ANKRD44: variants seen among roughly 807,000 people sequenced by gnomAD.
ANKRD44 encodes ankyrin repeat domain 44, also known as serine/threonine-protein phosphatase 6 regulatory ankyrin repeat subunit B.
A neutral mutation model predicts 116.0 loss-of-function variants in ANKRD44; 35 were observed. The observed-to-expected ratio is 0.30, with a 90% CI of 0.23 to 0.40. ANKRD44 has a LOEUF of 0.40. Among genes scored for constraint, ANKRD44 ranks in the 10% least tolerant of loss-of-function variants. The pLI, the probability that ANKRD44 is intolerant of heterozygous loss-of-function variation, is 1.00. For missense variants in ANKRD44, 1,014 were observed against 1,242.6 expected (o/e 0.82, Z 2.77); for synonymous variants, 435 against 461.8 (o/e 0.94, Z 0.74).
chr2:197,160,102 T>C (rs1029704362), intron 2 of ANKRD44, among the ~76,000 whole-genome samples: 1 of 152,040 alleles, frequency 6.6e-6, no homozygotes, highest in African/African-American at 2.4e-5. Flanking sequence ...ACTTTCATTA[T>C]AAAAAAACAA....
chr2:197,217,249 A>G (rs1199370221), intron 1 of ANKRD44, among the ~76,000 whole-genome samples: 1 of 152,236 alleles, frequency 6.6e-6, no homozygotes, highest in Non-Finnish European at 1.5e-5. Flanking sequence ...CCAGTAAAGA[A>G]GCAAATAAAT....
chr2:197,001,722 A>G (rs113801524), intron 22 of ANKRD44, 31 bp downstream of exon 22: 1 of 1,508,358 alleles, frequency 6.6e-7, no homozygotes, highest in Non-Finnish European at 9.1e-7. Flanking sequence ...TCATTAAAGC[A>G]ACATCATTAA....
intron 24 of ANKRD44, 51 bp from the exon 25 acceptor site, chr2:196,998,470 G>T: frequency 1.5e-6 from 2 of 1,306,500 alleles, no homozygotes; most frequent in South Asian, 1.2e-5. Context: ...CTAATTACAT[G>T]CATTTTGAAG....
At chr2:197,141,179 T>A (rs1418801015) in intron 3 of ANKRD44, among the ~76,000 whole-genome samples, 1 of 152,216 alleles carries the variant, frequency 6.6e-6, no homozygotes, top group African/African-American at 2.4e-5. Context: ...ATCATGCCAC[T>A]GCCCTCCAGC....
intron 1 of ANKRD44, among the ~76,000 whole-genome samples, chr2:197,189,414 T>C (rs2080767681): frequency 1.3e-5 from 2 of 152,212 alleles, no homozygotes; most frequent in Non-Finnish European, 2.9e-5. Context: ...TTACTGCTAG[T>C]TCAGTCTTAG....
intron 4 of ANKRD44, 74 bp from the exon 5 acceptor site, chr2:197,126,111 C>G (rs1315745493): frequency 1.3e-6 from 2 of 1,495,248 alleles, no homozygotes; most frequent in Admixed American, 3.4e-5. Context: ...AGATGCTTCA[C>G]CAAACCCTGG....
At chr2:197,003,766 C>T (rs2076155018) in intron 21 of ANKRD44, among the ~76,000 whole-genome samples, 1 of 152,108 alleles carries the variant, frequency 6.6e-6, no homozygotes, top group African/African-American at 2.4e-5. Context: ...TCCTTCTCCT[C>T]TTGTAGGTTC....
intron 2 of ANKRD44, among the ~76,000 whole-genome samples, chr2:197,160,637 C>T (rs1219669705): frequency 6.6e-6 from 1 of 152,134 alleles, no homozygotes; most frequent in Non-Finnish European, 1.5e-5. Flanking sequence ...CAGTCTCTTC[C>T]CCTGGTAGAA....
chr2:197,274,292 C>G (rs376848450), intron 1 of ANKRD44, among the ~76,000 whole-genome samples: 1 of 152,180 alleles, frequency 6.6e-6, no homozygotes, highest in South Asian at 2.1e-4. Flanking sequence ...ACTATACCCA[C>G]CTCTTAGGGT....
intron 1 of ANKRD44, among the ~76,000 whole-genome samples, chr2:197,190,614 T>C (rs1292864113): frequency 1.3e-5 from 2 of 152,204 alleles, no homozygotes; most frequent in Non-Finnish European, 2.9e-5. Flanking sequence ...TGCTGTTTTA[T>C]TTTTCCCCAG....
intron 1 of ANKRD44, among the ~76,000 whole-genome samples, chr2:197,308,279 G>A (rs1026741559): frequency 1.3e-5 from 2 of 152,152 alleles, no homozygotes; most frequent in Non-Finnish European, 2.9e-5. Context: ...CCAAGCAGGC[G>A]GGCGGCTCCC....
At chr2:197,056,316 C>A (rs1436442226) in intron 16 of ANKRD44, among the ~76,000 whole-genome samples, 1 of 151,428 alleles carries the variant, frequency 6.6e-6, no homozygotes, top group Non-Finnish European at 1.5e-5. Flanking sequence ...TTTGATGAAT[C>A]TGTAAATGAG....
Position 196,995,378 on chromosome 2 carries a change from C to T in ANKRD44, c.2831+1G>A, listed in dbSNP as rs771000319. 8 of 1,607,184 alleles carry T rather than the reference C, an allele frequency of 5.0e-6. No individual in the cohort carries two copies. Among genetic ancestry groups the T allele is most frequent in the Non-Finnish European group, 6.0e-6 (7 of 1,175,160 alleles). On this transcript the variant is annotated splice_donor_variant, in intron 26 of 27. Coordinates refer to ENST00000282272, the MANE Select transcript of ANKRD44 (RefSeq NM_001195144.2). LOFTEE classifies it high-confidence loss of function. ...AGTCCAACTTTAGTAGTTACACTTA[C>T]GTCTGCAGTGCATTATTTTTTTCAT...
chr2:197,287,351 G>A (rs1220114679), intron 1 of ANKRD44, among the ~76,000 whole-genome samples: 1 of 152,106 alleles, frequency 6.6e-6, no homozygotes, highest in Non-Finnish European at 1.5e-5. Flanking sequence ...TATGAAGGAA[G>A]AGATTAATTC....
intron 16 of ANKRD44, among the ~76,000 whole-genome samples, chr2:197,068,299 C>T (rs2077479629): frequency 1.5e-5 from 2 of 132,344 alleles, no homozygotes; most frequent in Admixed American, 1.6e-4. Context: ...CAGCATGGCA[C>T]ATGTATACAT....
In ANKRD44 at chr2:197,093,560, C is replaced by T. The variant is rs140912367; in HGVS notation, c.1101-3528G>A. On this transcript the variant is annotated intron_variant, in intron 10 of 27. Coordinates refer to ENST00000282272, the MANE Select transcript of ANKRD44 (RefSeq NM_001195144.2). Reference sequence around the variant, plus strand: ...TCAGTGCAGGATTTGAAAACAGATTCGCATAGACTCAAATACTATTGGCAT... The same window carrying T: ...TCAGTGCAGGATTTGAAAACAGATTTGCATAGACTCAAATACTATTGGCAT... Among the ~76,000 whole-genome samples, 389 of 152,172 alleles carry T rather than the reference C, an allele frequency of 2.6e-3. 1 individual carries two copies. Among genetic ancestry groups the T allele is most frequent in the East Asian group, 0.018 (91 of 5,184 alleles).
intron 27 of ANKRD44, chr2:196,990,253 A>C: frequency 2.0e-6 from 2 of 987,292 alleles, no homozygotes; most frequent in Non-Finnish European, 2.4e-6. Context: ...AAGAAGTTTG[A>C]GGCATTTCCT....
chr2:197,216,942 A>G (rs1257725867), intron 1 of ANKRD44, among the ~76,000 whole-genome samples: 1 of 151,362 alleles, frequency 6.6e-6, no homozygotes, highest in African/African-American at 2.4e-5. Flanking sequence ...CCTCTGGGGG[A>G]AAAGAAAAAA....
chr2:197,001,740 C>A lies in ANKRD44; in HGVS notation c.2435+13G>T, dbSNP rs767775628. On this transcript the variant is annotated intron_variant, in intron 22 of 27. Transcript: ENST00000282272. ...TTAAAGCAACATCATTAACTCTCAGCGTTTCTACTTACATTGCACAGTGCA... is the reference window on the plus strand; with the variant it reads ...TTAAAGCAACATCATTAACTCTCAGAGTTTCTACTTACATTGCACAGTGCA... 1 of 1,579,536 alleles carries A rather than the reference C, an allele frequency of 6.3e-7. No homozygotes were observed. Among genetic ancestry groups the A allele is most frequent in the Non-Finnish European group, 8.6e-7 (1 of 1,157,512 alleles).
Sources: gnomAD v4.1 joint callset for allele counts (sites outside exome capture counted in the v4.1 genomes callset) on GRCh38, gnomAD v4.1.1 for gene constraint, MANE v1.5 for transcripts, NCBI Gene and HGNC (gene_info 2026-07-23, HGNC 2026-07-21) for gene names.